Variants in FBXW8 observed in about 807,000 individuals in gnomAD.
FBXW8 encodes F-box/WD repeat-containing protein 8.
A neutral mutation model predicts 65.3 loss-of-function variants in FBXW8; 57 were observed. The ratio of observed to expected loss-of-function variants is 0.87; its 90% CI spans 0.71 to 1.09. The LOEUF (loss-of-function observed/expected upper bound fraction) is 1.09. Among genes scored for constraint, FBXW8 ranks in the 50% least tolerant of loss-of-function variants. The probability of loss-of-function intolerance (pLI) is 0.00; values close to 1 mark genes in which losing one functional copy is unlikely to be tolerated. For synonymous variants in FBXW8, 308 were observed against 330.2 expected, an observed-to-expected ratio of 0.93 and a Z score of 0.73; for missense variants, 777 against 814.8, an observed-to-expected ratio of 0.95 and a Z score of 0.57.
At chr12:116,986,907 ATG>A (rs887378129) in intron 6 of FBXW8, 6 of 152,240 alleles carry the variant, frequency 3.9e-5, no homozygotes, top group African/African-American at 1.4e-4. Context: ...TTGTAGGAAA[ATG>A]AGACATGATT....
chr12:117,027,049 C>A (rs763581022), intron 9 of FBXW8, among the ~76,000 whole-genome samples: 6 of 152,144 alleles, frequency 3.9e-5, no homozygotes, highest in Non-Finnish European at 8.8e-5. Flanking sequence ...AGGGACTTGC[C>A]CAGGGAGGCA....
rs577554122 is a variant in FBXW8, at chr12:116,945,786, C to G, written c.588+258C>G. 9.2e-5 allele frequency among the ~76,000 whole-genome samples: 14 copies of G among 152,328 alleles called. 1 individual carries two copies. In the East Asian group the frequency reaches 2.5e-3, roughly 27 times the overall value. On this transcript the variant is annotated intron_variant, in intron 3 of 10. Coordinates refer to ENST00000652555, the MANE Select transcript of FBXW8 (RefSeq NM_153348.3). ...GGTGAGATTGGGTTGCCAGCCACTT[C>G]CTCTCGGATTGTTAGGGTGGTCAGA...
intron 4 of FBXW8, among the ~76,000 whole-genome samples, chr12:116,953,895 C>G (rs930750025): frequency 4.6e-5 from 7 of 152,116 alleles, no homozygotes; most frequent in Admixed American, 1.3e-4. Flanking sequence ...GCGGGCAGAT[C>G]ATGAGGTCAG....
At chr12:116,987,649 T>A (rs1258791932) in intron 6 of FBXW8, among the ~76,000 whole-genome samples, 1 of 152,214 alleles carries the variant, frequency 6.6e-6, no homozygotes, top group Admixed American at 6.5e-5. Flanking sequence ...GTTAAAATTT[T>A]TTTTGCGAAT....
At chr12:116,925,888 G>A (rs890587802) in intron 1 of FBXW8, among the ~76,000 whole-genome samples, 7 of 152,138 alleles carry the variant, frequency 4.6e-5, no homozygotes, top group Non-Finnish European at 7.3e-5. Context: ...TTGTTGGTAA[G>A]GTGACTGAAC....
intron 7 of FBXW8, among the ~76,000 whole-genome samples, chr12:117,003,911 GATTT>G (rs1374188670): frequency 2.6e-5 from 4 of 152,238 alleles, no homozygotes; most frequent in South Asian, 2.1e-4. Flanking sequence ...GTATGTCTGG[GATTT>G]ATTTATTTAT....
chr12:116,933,333 A>G (rs1276271738), intron 2 of FBXW8, among the ~76,000 whole-genome samples: 1 of 152,220 alleles, frequency 6.6e-6, no homozygotes, highest in Non-Finnish European at 1.5e-5. Flanking sequence ...TTCTTTTAAC[A>G]TTGCTTTTTG....
At position 116,916,583 on chromosome 12, in the gene FBXW8, CCTTCAGTTTTTT is replaced by C. The variant is rs543610345; in HGVS notation, c.318+5231_318+5242del. Among the ~76,000 whole-genome samples the C allele has an allele frequency of 1.1e-4, 16 of 151,940 alleles. 1 individual carries two copies. The South Asian group carries it at 3.3e-3, about 32-fold the overall frequency. On this transcript the variant is annotated intron_variant, in intron 1 of 10. Coordinates refer to ENST00000652555, the MANE Select transcript of FBXW8 (RefSeq NM_153348.3). ...GGGAATATGTATTTTTATGTGGACT[CCTTCAGTTTTTT>C]CTGCATGAGAAAACCATCCAAGCTG...
At chr12:116,963,822 A>G (rs118101232) in intron 4 of FBXW8, among the ~76,000 whole-genome samples, 2,260 of 152,320 alleles carry the variant, frequency 0.015, 52 homozygotes, top group African/African-American at 0.045. Flanking sequence ...GTGTGGTTCT[A>G]TCATGAGGCC....
intron 8 of FBXW8, among the ~76,000 whole-genome samples, chr12:117,019,254 G>A (rs535073978): frequency 6.6e-6 from 1 of 152,174 alleles, no homozygotes; most frequent in Non-Finnish European, 1.5e-5. Flanking sequence ...TGTGTCCACT[G>A]GATGGACTTG....
chr12:116,912,798 A>G (rs1880098500), intron 1 of FBXW8, among the ~76,000 whole-genome samples: 2 of 152,190 alleles, frequency 1.3e-5, no homozygotes, highest in Non-Finnish European at 2.9e-5. Flanking sequence ...CTGTTTCAAG[A>G]AATAATGGCC....
chr12:116,982,110 AGAG>A (rs1213036742), intron 5 of FBXW8, among the ~76,000 whole-genome samples: 1 of 152,242 alleles, frequency 6.6e-6, no homozygotes, highest in South Asian at 2.1e-4. Context: ...AGGCAACAAA[AGAG>A]GAGAAAAGGG....
chr12:116,976,012 A>G (rs1001675647), intron 5 of FBXW8, among the ~76,000 whole-genome samples: 1 of 152,230 alleles, frequency 6.6e-6, no homozygotes, highest in Admixed American at 6.5e-5. Context: ...TCATTCTGCT[A>G]TGGTTATGTA....
intron 1 of FBXW8, among the ~76,000 whole-genome samples, chr12:116,916,018 G>C (rs1880378638): frequency 1.3e-5 from 2 of 152,246 alleles, no homozygotes; most frequent in South Asian, 4.1e-4. Context: ...GAGTCAAACA[G>C]CACATACTCA....
chr12:116,920,292 T>G (rs1880789087), intron 1 of FBXW8, among the ~76,000 whole-genome samples: 1 of 152,272 alleles, frequency 6.6e-6, no homozygotes, highest in Admixed American at 6.5e-5. Context: ...ACATGCGGTC[T>G]TTGTTGGAAC....
At chr12:116,941,486 C>T (rs1461145538) in intron 2 of FBXW8, among the ~76,000 whole-genome samples, 1 of 152,160 alleles carries the variant, frequency 6.6e-6, no homozygotes, top group African/African-American at 2.4e-5. Flanking sequence ...ACACATGGAG[C>T]TTGTGTGCAC....
At chr12:117,026,861 T>C (rs1954244652) in intron 9 of FBXW8, among the ~76,000 whole-genome samples, 1 of 152,170 alleles carries the variant, frequency 6.6e-6, no homozygotes, top group Admixed American at 6.5e-5. Flanking sequence ...AACGCAAACC[T>C]CTGTTCAAGA....
At chr12:117,013,573 TG>T (rs1451151341) in intron 8 of FBXW8, among the ~76,000 whole-genome samples, 2 of 152,058 alleles carry the variant, frequency 1.3e-5, no homozygotes, top group African/African-American at 4.8e-5. Flanking sequence ...ACTCGGCGGG[TG>T]CCTAGCACAG....
At chr12:116,935,964 C>G (rs1312739316) in intron 2 of FBXW8, among the ~76,000 whole-genome samples, 1 of 152,140 alleles carries the variant, frequency 6.6e-6, no homozygotes, top group Non-Finnish European at 1.5e-5. Flanking sequence ...GTGCGAGGTA[C>G]TGTTCTATAT....
Sources: gnomAD v4.1 joint callset for allele counts (sites outside exome capture counted in the v4.1 genomes callset) on GRCh38, gnomAD v4.1.1 for gene constraint, MANE v1.5 for transcripts, NCBI Gene and HGNC (gene_info 2026-07-23, HGNC 2026-07-21) for gene names.